The following IMMP2L variants were observed in gnomAD, a reference collection of about 807,000 sequenced individuals.
IMMP2L encodes the protein inner mitochondrial membrane peptidase subunit 2, also known as mitochondrial inner membrane protease subunit 2.
IMMP2L carries 18 observed loss-of-function variants against 19.3 expected under a neutral mutation model. That is an observed-to-expected ratio of 0.93 (90% CI 0.64 to 1.38). IMMP2L has a LOEUF of 1.38. Among genes scored for constraint, IMMP2L ranks in the 40% most tolerant of loss-of-function variants. The pLI is 0.00. For synonymous variants in IMMP2L, 76 were observed against 73.0 expected (o/e 1.04, Z -0.21); for missense variants, 233 against 218.2 (o/e 1.07, Z -0.43).
intron 5 of IMMP2L, among the ~76,000 whole-genome samples, chr7:110,841,467 T>A (rs1805078035): frequency 6.6e-6 from 1 of 152,078 alleles, no homozygotes; most frequent in Non-Finnish European, 1.5e-5. Flanking sequence ...TCTCTATAGA[T>A]GTTTATTTTT....
chr7:110,848,822 A>G (rs1805921650), intron 5 of IMMP2L, among the ~76,000 whole-genome samples: 1 of 152,160 alleles, frequency 6.6e-6, no homozygotes, highest in Non-Finnish European at 1.5e-5. Context: ...GCTACATACT[A>G]TACGATTTCA....
chr7:111,036,617 C>T (rs1387238366), intron 3 of IMMP2L, among the ~76,000 whole-genome samples: 3 of 152,194 alleles, frequency 2.0e-5, no homozygotes, highest in African/African-American at 4.8e-5. Context: ...AGTCTCAAAA[C>T]TAAAGTATTA....
intron 3 of IMMP2L, among the ~76,000 whole-genome samples, chr7:111,020,637 C>T (rs1177664495): frequency 6.6e-6 from 1 of 152,054 alleles, no homozygotes; most frequent in African/African-American, 2.4e-5. Context: ...TAGCATGTGC[C>T]TGTAGTTCCA....
chr7:110,810,027 A>T (rs2396278), intron 5 of IMMP2L, among the ~76,000 whole-genome samples: 132,420 of 152,080 alleles, frequency 0.87, 57,900 homozygotes, highest in East Asian at 0.98. Context: ...GCTGGTGTAA[A>T]GGCTTCCTTC....
At chr7:111,447,017 A>C (rs1008779813) in intron 3 of IMMP2L, among the ~76,000 whole-genome samples, 1 of 145,084 alleles carries the variant, frequency 6.9e-6, no homozygotes, top group African/African-American at 2.6e-5. Flanking sequence ...AAAAAGAATA[A>C]AAAGAAATGA....
intron 3 of IMMP2L, among the ~76,000 whole-genome samples, chr7:110,983,036 A>C (rs566449969): frequency 4.6e-5 from 7 of 152,148 alleles, no homozygotes; most frequent in African/African-American, 1.7e-4. Flanking sequence ...CCCACTTATA[A>C]TTTTTATTCT....
At chr7:111,210,695 G>A (rs1429497595) in intron 3 of IMMP2L, among the ~76,000 whole-genome samples, 3 of 151,898 alleles carry the variant, frequency 2.0e-5, no homozygotes, top group African/African-American at 7.3e-5. Flanking sequence ...CTGCCCTGAA[G>A]GGAAGGTATT....
At chr7:111,469,707 T>G (rs1841034506) in intron 3 of IMMP2L, among the ~76,000 whole-genome samples, 2 of 152,096 alleles carry the variant, frequency 1.3e-5, no homozygotes, top group Admixed American at 1.3e-4. Context: ...GCCTTACATC[T>G]TATACAAAAA....
At position 111,206,071 on chromosome 7, in the gene IMMP2L, A is replaced by T. The variant is rs959523818; in HGVS notation, c.240-242506T>A. On this transcript the variant is annotated intron_variant, in intron 3 of 5. Transcript: ENST00000405709. ...TCTCTAAAGACATCCCAATGATACC[A>T]AATCTGTTTTTCTAATGGCACACAA... Among the ~76,000 whole-genome samples, 6 of 152,160 alleles carry T rather than the reference A, an allele frequency of 3.9e-5. No individual in the cohort carries two copies. In the East Asian group the frequency reaches 1.2e-3, roughly 29 times the overall value.
Position 111,521,372 on chromosome 7 carries a change from C to A in IMMP2L, c.76G>T (p.Ala26Ser), listed in dbSNP as rs2132673453. ...GCGACCCGATCCAAGAAAGTCACTGCCACAGGCACCGCCACAAAGAAGCCT... is the reference window on the plus strand; with the variant it reads ...GCGACCCGATCCAAGAAAGTCACTGACACAGGCACCGCCACAAAGAAGCCT... ...CKGFFVAVPV[A>S]VTFLDRVACV... Residue 26 changes from alanine (A) to serine (S), a missense_variant, in exon 2 of 6, where the codon GCA becomes TCA. Ala to Ser is a moderately conservative substitution (Grantham distance 99). Coordinates refer to ENST00000405709, the MANE Select transcript of IMMP2L (RefSeq NM_032549.4). 4 of 1,613,224 alleles carry A rather than the reference C, an allele frequency of 2.5e-6. No homozygotes were observed. Among genetic ancestry groups the A allele is most frequent in the Non-Finnish European group, 2.5e-6 (3 of 1,179,470 alleles).
intron 3 of IMMP2L, among the ~76,000 whole-genome samples, chr7:111,382,147 A>G (rs1333450239): frequency 6.6e-6 from 1 of 151,944 alleles, no homozygotes; most frequent in East Asian, 1.9e-4. Flanking sequence ...AAGACAGAAC[A>G]GTGACACAAA....
chr7:110,981,842 A>G (rs891160756), intron 3 of IMMP2L, among the ~76,000 whole-genome samples: 1 of 152,104 alleles, frequency 6.6e-6, no homozygotes, highest in Non-Finnish European at 1.5e-5. Context: ...GACATGCCCA[A>G]CACAAAAAAA....
chr7:111,277,448 C>G (rs867745158), intron 3 of IMMP2L, among the ~76,000 whole-genome samples: 3 of 151,800 alleles, frequency 2.0e-5, no homozygotes, highest in South Asian at 4.1e-4. Flanking sequence ...CACTGTAATT[C>G]TGGCTATTCA....
chr7:110,750,605 G>GA, intron 5 of IMMP2L, among the ~76,000 whole-genome samples: 4 of 152,106 alleles, frequency 2.6e-5, no homozygotes, highest in Admixed American at 2.6e-4. Flanking sequence ...ACTCACTCTG[G>GA]AAAATCAAGA....
chr7:111,560,014 T>G (rs1791840774), intron 1 of IMMP2L, among the ~76,000 whole-genome samples: 1 of 125,678 alleles, frequency 8.0e-6, no homozygotes, highest in African/African-American at 2.7e-5. Flanking sequence ...GAAATATATA[T>G]ATATAAAACA....
chr7:111,268,349 T>C (rs972812502), intron 3 of IMMP2L, among the ~76,000 whole-genome samples: 1 of 151,782 alleles, frequency 6.6e-6, no homozygotes, highest in African/African-American at 2.4e-5. Flanking sequence ...AGGCAGGAGT[T>C]GTCTTAAGAC....
chr7:110,941,569 T>C (rs976206728), intron 4 of IMMP2L, among the ~76,000 whole-genome samples: 2 of 152,166 alleles, frequency 1.3e-5, no homozygotes, highest in Non-Finnish European at 2.9e-5. Flanking sequence ...ATGCAGGATA[T>C]TTATTGTCGA....
chr7:110,938,842 T>C (rs1008935069), intron 4 of IMMP2L, among the ~76,000 whole-genome samples: 5 of 152,102 alleles, frequency 3.3e-5, no homozygotes, highest in Admixed American at 1.3e-4. Flanking sequence ...GGGAGTGAGA[T>C]AGAATGAAGA....
intron 3 of IMMP2L, among the ~76,000 whole-genome samples, chr7:111,317,473 G>A (rs561639637): frequency 1.9e-4 from 29 of 152,002 alleles, no homozygotes; most frequent in African/African-American, 6.8e-4. Flanking sequence ...TGGAAATTGA[G>A]GTTTATCAAT....
Sources: allele counts gnomAD v4.1 joint callset (sites outside exome capture counted in the v4.1 genomes callset), GRCh38; gene constraint gnomAD v4.1.1; transcripts MANE v1.5; gene names NCBI Gene and HGNC (gene_info 2026-07-23, HGNC 2026-07-21).